Variants in COX20 observed in about 807,000 individuals in gnomAD.
The protein encoded by COX20 is cytochrome c oxidase assembly protein COX20, mitochondrial.
In COX20, 14 loss-of-function variants were observed where a neutral mutation model predicts 14.3. The ratio of observed to expected loss-of-function variants is 0.98; its 90% CI spans 0.65 to 1.53. COX20 has a LOEUF of 1.53. Among genes scored for constraint, COX20 ranks in the 40% most tolerant of loss-of-function variants. The probability of loss-of-function intolerance (pLI) is 0.00; values close to 1 mark genes in which losing one functional copy is unlikely to be tolerated. For synonymous variants in COX20, 56 were observed against 51.7 expected (o/e 1.08, Z -0.36); for missense variants, 149 against 142.1 (o/e 1.05, Z -0.25).
Position 244,842,010 on chromosome 1 carries a change from G to A in COX20, c.109G>A (p.Gly37Ser), listed in dbSNP as rs1022847823. The change falls in exon 2 of 4, where the codon GGT (glycine) becomes AGT (serine). Residue 37 changes from glycine (G) to serine (S), a missense_variant. Coordinates refer to ENST00000411948, the MANE Select transcript of COX20 (RefSeq NM_198076.6). ...CTGCGCCCGGCATTCAATATTGTAT[G>A]GTTCATTAGGATCTGTTGTGGCTGG... ...TPCARHSILYGSLGSVVAGFG... is the reference protein window; with the variant it reads ...TPCARHSILYSSLGSVVAGFG... 14 of 1,611,798 alleles carry A rather than the reference G, an allele frequency of 8.7e-6. No individual in the cohort carries two copies. The highest frequency in any genetic ancestry group is 1.2e-5 in the Non-Finnish European group (14 of 1,178,440).
intron 1 of COX20, 65 bp downstream of exon 1, chr1:244,835,821 GCTC>G: frequency 8.6e-7 from 1 of 1,161,590 alleles, no homozygotes; most frequent in Non-Finnish European, 1.1e-6. Context: ...TCTCCGCGGA[GCTC>G]CTAGGCCCGG....
At chr1:244,842,888 C>T (rs1680262768) in intron 3 of COX20, 153 bp from the exon 4 acceptor site, 1 of 547,258 alleles carries the variant, frequency 1.8e-6, no homozygotes, top group Non-Finnish European at 3.1e-6. Context: ...GACACCAAAA[C>T]TGCCCAAAAA....
intron 1 of COX20, among the ~76,000 whole-genome samples, chr1:244,837,259 C>G (rs1191951743): frequency 6.6e-6 from 1 of 152,126 alleles, no homozygotes; most frequent in Non-Finnish European, 1.5e-5. Context: ...ACAAAAATTG[C>G]TCATGAAACA....
At chr1:244,835,639 G>GA, upstream of COX20, 1 of 1,144,370 alleles carries the variant, frequency 8.7e-7, no homozygotes, top group African/African-American at 1.6e-5. Flanking sequence ...GCGGGACGGG[G>GA]AGGGGCGCGG....
At chr1:244,836,689 T>TAAAA (rs1679997258) in intron 1 of COX20, among the ~76,000 whole-genome samples, 2 of 152,304 alleles carry the variant, frequency 1.3e-5, no homozygotes, top group South Asian at 4.1e-4. Context: ...AGCAAATATT[T>TAAAA]ATAGAAGACC....
chr1:244,839,252 GGAAA>G (rs1680100119), intron 1 of COX20, among the ~76,000 whole-genome samples: 1 of 152,086 alleles, frequency 6.6e-6, no homozygotes, highest in Admixed American at 6.5e-5. Flanking sequence ...TGCAACCAGA[GGAAA>G]GAAATACGGG....
intron 1 of COX20, among the ~76,000 whole-genome samples, chr1:244,839,173 T>C (rs1346919650): frequency 1.3e-5 from 2 of 151,548 alleles, no homozygotes; most frequent in African/African-American, 2.4e-5. Context: ...CCCTTGAGTA[T>C]GCAAGAGGGG....
upstream of COX20, chr1:244,835,358 G>C (rs1192727363): frequency 4.3e-6 from 1 of 233,304 alleles, no homozygotes; most frequent in African/African-American, 2.3e-5. Context: ...TTGGGGCGGA[G>C]CAGGGGGCTG....
intron 1 of COX20, chr1:244,836,368 A>C (rs543997759): frequency 1.1e-5 from 9 of 792,872 alleles, no homozygotes; most frequent in South Asian, 3.0e-5. Flanking sequence ...AGCCCATCCT[A>C]TCTCTTTAAG....
intron 1 of COX20, chr1:244,836,541 CCT>C: frequency 6.5e-7 from 1 of 1,546,084 alleles, no homozygotes. Flanking sequence ...ATCTTGTTTT[CCT>C]CTTTTCCTGG....
In COX20 at chr1:244,843,278, G is replaced by T; in HGVS notation, c.*102G>T. On this transcript the variant is annotated 3_prime_UTR_variant, in exon 4 of 4. Coordinates refer to ENST00000411948, the MANE Select transcript of COX20 (RefSeq NM_198076.6). ...CAATCAAGTAAATAAAGTTTAAGTT[G>T]TAGTCATTTTTTTCCCACACTTGTG... The T allele has an allele frequency of 7.2e-7, 1 of 1,382,288 alleles. No homozygotes were observed. The highest frequency in any genetic ancestry group is 9.8e-7 in the Non-Finnish European group (1 of 1,020,016). 85.6% of individuals were successfully genotyped at this position (1,382,288 alleles called of 1,614,324 possible).
chr1:244,842,211 A>C lies in COX20; in HGVS notation c.174A>C (p.Ser58=), dbSNP rs1012694937. 5.6e-6 allele frequency: 9 copies of C among 1,607,630 alleles called. No individual in the cohort carries two copies. Among genetic ancestry groups the C allele is most frequent in the Non-Finnish European group, 7.7e-6 (9 of 1,174,526 alleles). ...TTTTTACAGGTAGAATTAGAAGATC[A>C]TGTGATGTTGGAGTAGGAGGGTTTA... The part of the protein sequence containing the change: ...HFLFTSRIRR[S]CDVGVGGFIL... Residue 58 remains serine, a synonymous_variant, in exon 3 of 4, where the codon TCA becomes TCC. Transcript: ENST00000411948.
At position 244,844,801 on chromosome 1, in the gene COX20, G is replaced by C. The variant is rs940688645; in HGVS notation, c.*1625G>C. The C allele has an allele frequency of 6.6e-6, 1 of 151,868 alleles. No homozygotes were observed. The highest frequency in any genetic ancestry group is 1.5e-5 in the Non-Finnish European group (1 of 68,018). The allele number at this position is 151,868 out of a possible 1,614,324, so 9.4% of individuals were successfully genotyped here. On this transcript the variant is annotated 3_prime_UTR_variant, in exon 4 of 4. Transcript: ENST00000411948. ...AAAATTCCATAGGATGTTCAACCAT[G>C]TTTTCAGAGGCCGCACTGCATGAAT...
intron 3 of COX20, 148 bp from the exon 4 acceptor site, chr1:244,842,893 C>A: frequency 1.7e-6 from 1 of 582,510 alleles, no homozygotes; most frequent in Non-Finnish European, 2.8e-6. Context: ...CAAAACTGCC[C>A]AAAAATAGCA....
upstream of COX20, chr1:244,835,371 G>A (rs1679925109): frequency 7.8e-6 from 2 of 257,998 alleles, no homozygotes; most frequent in Non-Finnish European, 1.5e-5. Context: ...GGGGGCTGGC[G>A]CGGGAAGCGG....
chr1:244,839,304 C>CT (rs1208319568), intron 1 of COX20, among the ~76,000 whole-genome samples: 1 of 152,098 alleles, frequency 6.6e-6, no homozygotes, highest in African/African-American at 2.4e-5. Flanking sequence ...TCAACTGTCT[C>CT]TAATTTGATC....
upstream of COX20, chr1:244,835,597 CGGAACAGGGCGGGAGGCGGCGGCGCGTG>C: frequency 2.7e-6 from 2 of 734,866 alleles, no homozygotes; most frequent in East Asian, 3.5e-5. Flanking sequence ...GCCGGCGCGT[CGGAACAGGGCGGGAGGCGGCGGCGCGTG>C]GGGGCGGGAC....
intron 1 of COX20, chr1:244,840,606 GC>G (rs1475690914): frequency 7.0e-6 from 1 of 143,428 alleles, no homozygotes; most frequent in African/African-American, 2.8e-5. Flanking sequence ...TGGGAACGGG[GC>G]CAGACAGAGG....
At chr1:244,837,060 ACTG>A (rs201256529) in intron 1 of COX20, among the ~76,000 whole-genome samples, 2,254 of 152,168 alleles carry the variant, frequency 0.015, 26 homozygotes, top group Admixed American at 0.025. Context: ...GTAGGAGATA[ACTG>A]CTGTTTTTAA....
Sources: allele counts gnomAD v4.1 joint callset (sites outside exome capture counted in the v4.1 genomes callset), GRCh38; gene constraint gnomAD v4.1.1; transcripts MANE v1.5; gene names NCBI Gene and HGNC (gene_info 2026-07-23, HGNC 2026-07-21).